Variants in PRICKLE1 observed in about 807,000 individuals in gnomAD.
The protein encoded by PRICKLE1 is prickle-like protein 1.
In PRICKLE1, 14 loss-of-function variants were observed where a neutral mutation model predicts 70.2. The ratio of observed to expected loss-of-function variants is 0.20; its 90% confidence interval spans 0.13 to 0.31. The LOEUF is 0.31. Among genes scored for constraint, PRICKLE1 ranks in the 10% least tolerant of loss-of-function variants. The pLI is 1.00. For synonymous variants in PRICKLE1, 357 were observed against 379.9 expected (o/e 0.94, Z 0.70); for missense variants, 821 against 1,026.2 (o/e 0.80, Z 2.73).
chr12:42,496,171 C>A (rs936167068), intron 1 of PRICKLE1, among the ~76,000 whole-genome samples: 5 of 152,184 alleles, frequency 3.3e-5, no homozygotes, highest in Non-Finnish European at 7.3e-5. Flanking sequence ...GTTGTGTTTG[C>A]AAGCATGAAA....
chr12:42,563,702 C>CAAAAA (rs11367725), intron 1 of PRICKLE1, among the ~76,000 whole-genome samples: 5 of 46,502 alleles, frequency 1.1e-4, no homozygotes, highest in Non-Finnish European at 1.6e-4. Context: ...GACTCTGTCT[C>CAAAAA]AAAAAAAAAA....
chr12:42,566,379 G>T (rs528183621), intron 1 of PRICKLE1, among the ~76,000 whole-genome samples: 1 of 152,162 alleles, frequency 6.6e-6, no homozygotes, highest in East Asian at 1.9e-4. Context: ...GGATACACAC[G>T]GTGGAGAGGG....
chr12:42,554,484 C>T (rs1331025600), intron 1 of PRICKLE1, among the ~76,000 whole-genome samples: 1 of 152,146 alleles, frequency 6.6e-6, no homozygotes, highest in Non-Finnish European at 1.5e-5. Flanking sequence ...CCCTCGTTAT[C>T]TTTTTAAAAG....
intron 1 of PRICKLE1, among the ~76,000 whole-genome samples, chr12:42,518,699 G>T (rs1000105396): frequency 6.6e-6 from 1 of 152,116 alleles, no homozygotes; most frequent in South Asian, 2.1e-4. Flanking sequence ...TAATCCCATT[G>T]TAATTTAAAA....
rs751820105 is a variant in PRICKLE1, at chr12:42,464,344, C to G, written c.1639+51G>C. ...CTTGAATTGCAATTTTTTGAATACA[C>G]TTTTTAGTAGCTCCTTTTTTCAAAT... On this transcript the variant is annotated intron_variant, in intron 7 of 7. Coordinates refer to ENST00000345127, the MANE Select transcript of PRICKLE1 (RefSeq NM_153026.3). The surrounding 1 kb of genome is among the most constrained non-coding windows in gnomAD (Gnocchi z 4.2). 5.0e-6 allele frequency: 8 copies of G among 1,612,624 alleles called. No homozygotes were observed. The East Asian group carries it at 1.8e-4, about 36-fold the overall frequency.
chr12:42,570,405 G>A (rs1940687978), intron 1 of PRICKLE1, among the ~76,000 whole-genome samples: 1 of 152,134 alleles, frequency 6.6e-6, no homozygotes, highest in South Asian at 2.1e-4. Flanking sequence ...ATTTTGAATG[G>A]CACCCATATT....
chr12:42,571,252 G>A (rs530316539), intron 1 of PRICKLE1, among the ~76,000 whole-genome samples: 36 of 152,064 alleles, frequency 2.4e-4, no homozygotes, highest in Middle Eastern at 3.4e-3. Flanking sequence ...AGAAAAAAAC[G>A]CAAATATTTT....
At chr12:42,566,515 C>G (rs1940623546) in intron 1 of PRICKLE1, among the ~76,000 whole-genome samples, 1 of 152,174 alleles carries the variant, frequency 6.6e-6, no homozygotes, top group Non-Finnish European at 1.5e-5. Flanking sequence ...CATCTGCATT[C>G]TCTGCTGGCT....
At chr12:42,532,710 A>C (rs866549333) in intron 1 of PRICKLE1, among the ~76,000 whole-genome samples, 1 of 152,088 alleles carries the variant, frequency 6.6e-6, no homozygotes, top group Non-Finnish European at 1.5e-5. Context: ...ATCCTGGCTA[A>C]CACGGTGAAA....
intron 1 of PRICKLE1, among the ~76,000 whole-genome samples, chr12:42,535,776 C>T (rs1940007625): frequency 6.6e-6 from 1 of 151,852 alleles, no homozygotes; most frequent in Non-Finnish European, 1.5e-5. Flanking sequence ...AGAGTGAGAA[C>T]CTGTCTATTT....
chr12:42,549,206 A>G (rs953721740), intron 1 of PRICKLE1, among the ~76,000 whole-genome samples: 2 of 151,548 alleles, frequency 1.3e-5, no homozygotes, highest in Non-Finnish European at 2.9e-5. Flanking sequence ...GGGCAATATT[A>G]ATGAACAATT....
chr12:42,523,620 A>G (rs760832293), intron 1 of PRICKLE1, among the ~76,000 whole-genome samples: 14 of 152,244 alleles, frequency 9.2e-5, no homozygotes, highest in Non-Finnish European at 8.8e-5. Context: ...ACAGATGCAC[A>G]GTTACAAATA....
At chr12:42,563,853 A>G (rs1940572460) in intron 1 of PRICKLE1, among the ~76,000 whole-genome samples, 1 of 152,140 alleles carries the variant, frequency 6.6e-6, no homozygotes, top group Non-Finnish European at 1.5e-5. Context: ...TTTTTCGAGT[A>G]CAATGGGTAC....
chr12:42,545,895 CATAT>C (rs375757064), intron 1 of PRICKLE1, among the ~76,000 whole-genome samples: 2 of 144,954 alleles, frequency 1.4e-5, no homozygotes, highest in Admixed American at 6.9e-5. Context: ...AAAATATATC[CATAT>C]ATATATATAT....
intron 1 of PRICKLE1, among the ~76,000 whole-genome samples, chr12:42,541,048 C>T (rs1940103703): frequency 6.6e-6 from 1 of 151,884 alleles, no homozygotes; most frequent in African/African-American, 2.4e-5. Context: ...TCTATAGCCC[C>T]CATTCAGAGA....
At chr12:42,480,795 A>G (rs1026624773) in intron 1 of PRICKLE1, among the ~76,000 whole-genome samples, 11 of 152,332 alleles carry the variant, frequency 7.2e-5, no homozygotes, top group Non-Finnish European at 1.2e-4. Flanking sequence ...AACAGATGGC[A>G]ATGGTGTCTG....
intron 1 of PRICKLE1, among the ~76,000 whole-genome samples, chr12:42,521,124 T>C (rs184301910): frequency 1.2e-3 from 184 of 152,106 alleles, no homozygotes; most frequent in South Asian, 2.5e-3. Flanking sequence ...TGAGCCAAGA[T>C]TGCGCCACTG....
intron 5 of PRICKLE1, among the ~76,000 whole-genome samples, chr12:42,467,587 A>C (rs932127335): frequency 2.7e-5 from 4 of 149,760 alleles, no homozygotes; most frequent in African/African-American, 9.8e-5. Context: ...TAAAAATACA[A>C]AAAAAAAAAT....
intron 1 of PRICKLE1, among the ~76,000 whole-genome samples, chr12:42,547,125 T>A (rs2120631514): frequency 6.6e-6 from 1 of 152,314 alleles, no homozygotes; most frequent in Non-Finnish European, 1.5e-5. Context: ...ATAATTTCTA[T>A]CCCTGAAAAG....
Sources: allele counts gnomAD v4.1 joint callset (sites outside exome capture counted in the v4.1 genomes callset), GRCh38; gene constraint gnomAD v4.1.1; non-coding constraint Gnocchi (gnomAD v3.1); transcripts MANE v1.5; gene names NCBI Gene and HGNC (gene_info 2026-07-23, HGNC 2026-07-21).